The following WDR27 variants were observed in gnomAD, a reference collection of about 807,000 sequenced individuals.
The protein encoded by WDR27 is WD repeat domain 27.
In WDR27, 100 loss-of-function variants were observed where a neutral mutation model predicts 114.4. The observed-to-expected ratio is 0.87, with a 90% CI of 0.74 to 1.03. The LOEUF (loss-of-function observed/expected upper bound fraction) is 1.03. Among genes scored for constraint, WDR27 ranks in the 50% least tolerant of loss-of-function variants. The probability of loss-of-function intolerance (pLI) is 0.00; values close to 1 mark genes in which losing one functional copy is unlikely to be tolerated. For missense variants in WDR27, 1,129 were observed against 1,092.9 expected, an observed-to-expected ratio of 1.03 and a Z score of -0.47; for synonymous variants, 449 against 423.1, an observed-to-expected ratio of 1.06 and a Z score of -0.75.
At chr6:169,611,670 T>C (rs1158391272) in intron 22 of WDR27, among the ~76,000 whole-genome samples, 1 of 152,210 alleles carries the variant, frequency 6.6e-6, no homozygotes, top group Non-Finnish European at 1.5e-5. Context: ...TATTTTGAGC[T>C]TTTTCTTACT....
intron 17 of WDR27, among the ~76,000 whole-genome samples, chr6:169,639,575 T>C (rs1028395205): frequency 6.6e-6 from 1 of 152,222 alleles, no homozygotes; most frequent in South Asian, 2.1e-4. Context: ...TGGATGCTGA[T>C]TTCTGAGAGC....
chr6:169,605,645 T>C (rs931619672), intron 22 of WDR27, among the ~76,000 whole-genome samples: 11 of 145,842 alleles, frequency 7.5e-5, no homozygotes, highest in Non-Finnish European at 1.7e-4. Context: ...AGAGCCCAAA[T>C]GGCCAAAGTA....
chr6:169,617,391 T>C (rs185983881), intron 21 of WDR27, among the ~76,000 whole-genome samples: 2 of 152,320 alleles, frequency 1.3e-5, no homozygotes, highest in South Asian at 2.1e-4. Context: ...AATCTTTTTT[T>C]TGAGACCGAG....
the WDR27 span, among the ~76,000 whole-genome samples, chr6:169,445,797 C>A: frequency 6.6e-6 from 1 of 152,194 alleles, no homozygotes; most frequent in Non-Finnish European, 1.5e-5. Context: ...AGCTGCAGAC[C>A]GAGGCGGTGC....
At chr6:169,564,188 A>G (rs1800093086) in intron 25 of WDR27, among the ~76,000 whole-genome samples, 1 of 152,226 alleles carries the variant, frequency 6.6e-6, no homozygotes, top group East Asian at 1.9e-4. Flanking sequence ...AAGAACCTGG[A>G]GTCTGATGTT....
chr6:169,569,079 A>G (rs975741844), intron 25 of WDR27, among the ~76,000 whole-genome samples: 2 of 126,068 alleles, frequency 1.6e-5, no homozygotes, highest in Non-Finnish European at 3.2e-5. Flanking sequence ...CCACAAAGAC[A>G]GCAGGAATGC....
intron 25 of WDR27, among the ~76,000 whole-genome samples, chr6:169,494,796 C>T (rs1310141399): frequency 6.6e-6 from 1 of 152,128 alleles, no homozygotes; most frequent in African/African-American, 2.4e-5. Flanking sequence ...TACCTATTAA[C>T]CAGAGGTAAA....
the WDR27 span, among the ~76,000 whole-genome samples, chr6:169,435,113 C>G: frequency 1.3e-5 from 2 of 152,226 alleles, no homozygotes; most frequent in African/African-American, 2.4e-5. Context: ...GTGCAAGCCC[C>G]AAGCCTTGGC....
chr6:169,607,382 TTGTG>T (rs139609288), intron 22 of WDR27, among the ~76,000 whole-genome samples: 2 of 145,480 alleles, frequency 1.4e-5, no homozygotes, highest in African/African-American at 5.1e-5. Context: ...TGTAGTATAC[TTGTG>T]TGTGTATACA....
At chr6:169,484,064 T>C (rs961143230) in intron 25 of WDR27, among the ~76,000 whole-genome samples, 1 of 152,098 alleles carries the variant, frequency 6.6e-6, no homozygotes, top group Non-Finnish European at 1.5e-5. Context: ...CCACAGCCAA[T>C]GTTGTACTGA....
intron 25 of WDR27, among the ~76,000 whole-genome samples, chr6:169,503,045 G>C (rs145362350): frequency 6.6e-6 from 1 of 152,238 alleles, no homozygotes; most frequent in South Asian, 2.1e-4. Flanking sequence ...GAGACTCTGC[G>C]GAGTACATGG....
the WDR27 span, among the ~76,000 whole-genome samples, chr6:169,432,997 T>C: frequency 4.6e-5 from 7 of 152,182 alleles, no homozygotes; most frequent in African/African-American, 1.7e-4. Context: ...GATAATAAAA[T>C]CCAGGCTGAG....
chr6:169,463,207 GGAA>G (rs1276243762), intron 25 of WDR27, among the ~76,000 whole-genome samples: 9 of 152,164 alleles, frequency 5.9e-5, no homozygotes, highest in Admixed American at 2.0e-4. Flanking sequence ...TTCCTTACAT[GGAA>G]GAAGAAGAGT....
At chr6:169,699,231 G>A (rs555293525) in intron 1 of WDR27, among the ~76,000 whole-genome samples, 39 of 152,282 alleles carry the variant, frequency 2.6e-4, no homozygotes, top group African/African-American at 8.2e-4. Flanking sequence ...AAGAGCAGGG[G>A]CTGCAGCACT....
At chr6:169,475,340 A>C (rs1009369069) in intron 25 of WDR27, among the ~76,000 whole-genome samples, 7 of 152,168 alleles carry the variant, frequency 4.6e-5, no homozygotes, top group African/African-American at 1.7e-4. Flanking sequence ...CTCCTGCCTC[A>C]GCCTCCCAAG....
At chr6:169,654,264 A>G (rs1464091884) in intron 13 of WDR27, among the ~76,000 whole-genome samples, 1 of 152,230 alleles carries the variant, frequency 6.6e-6, no homozygotes, top group East Asian at 1.9e-4. Flanking sequence ...TTAAAATATT[A>G]CACCAAGCAT....
chr6:169,666,902 CAG>C (rs1323352885), intron 6 of WDR27: 6 of 985,368 alleles, frequency 6.1e-6, no homozygotes, highest in Admixed American at 1.2e-4. Flanking sequence ...TCCTCCAAAA[CAG>C]AAAGGCCCAG....
the WDR27 span, among the ~76,000 whole-genome samples, chr6:169,444,515 G>T: frequency 2.0e-5 from 3 of 152,178 alleles, no homozygotes; most frequent in Non-Finnish European, 2.9e-5. Context: ...CTCCACCAGG[G>T]CTGGCCAGAG....
At chr6:169,471,500 G>A (rs1047308566) in intron 25 of WDR27, among the ~76,000 whole-genome samples, 3 of 152,076 alleles carry the variant, frequency 2.0e-5, no homozygotes, top group Non-Finnish European at 4.4e-5. Flanking sequence ...AAGGAAAAGC[G>A]AATAAAGTTA....
Sources: gnomAD v4.1 joint callset for allele counts (sites outside exome capture counted in the v4.1 genomes callset) on GRCh38, gnomAD v4.1.1 for gene constraint, MANE v1.5 for transcripts, NCBI Gene and HGNC (gene_info 2026-07-23, HGNC 2026-07-21) for gene names.